MTSS1: variants seen among roughly 807,000 people sequenced by gnomAD.
MTSS1 encodes protein MTSS 1.
A neutral mutation model predicts 79.0 loss-of-function variants in MTSS1; 18 were observed. That is an observed-to-expected ratio of 0.23 (90% confidence interval 0.16 to 0.34). The LOEUF (loss-of-function observed/expected upper bound fraction) is 0.34, where lower values mean the gene tolerates loss of function less well. Among genes scored for constraint, MTSS1 ranks in the 10% least tolerant of loss-of-function variants. MTSS1 has a pLI of 1.00. For missense variants in MTSS1, 815 were observed against 986.2 expected (o/e 0.83, Z 2.33); for synonymous variants, 341 against 368.6 (o/e 0.93, Z 0.86).
chr8:124,654,860 C>G (rs1208515465), intron 3 of MTSS1, among the ~76,000 whole-genome samples: 1 of 152,156 alleles, frequency 6.6e-6, no homozygotes, highest in Non-Finnish European at 1.5e-5. Context: ...AGCAAAGAAC[C>G]ACCTGAGGTT....
chr8:124,634,808 C>G (rs1816694273), intron 3 of MTSS1, among the ~76,000 whole-genome samples: 1 of 152,170 alleles, frequency 6.6e-6, no homozygotes, highest in African/African-American at 2.4e-5. Flanking sequence ...GACGGAAATG[C>G]AGTGTCCTGG....
intron 3 of MTSS1, among the ~76,000 whole-genome samples, chr8:124,632,086 G>A (rs1816066617): frequency 6.6e-6 from 1 of 152,056 alleles, no homozygotes; most frequent in African/African-American, 2.4e-5. Context: ...AGACCAGCCT[G>A]GGCAACATAG....
chr8:124,677,621 G>A (rs903093774), intron 3 of MTSS1, among the ~76,000 whole-genome samples: 1 of 152,144 alleles, frequency 6.6e-6, no homozygotes, highest in Non-Finnish European at 1.5e-5. Flanking sequence ...AGAGGCTGTA[G>A]TCTGCCTACC....
At chr8:124,695,331 G>C (rs1393088426) in intron 3 of MTSS1, among the ~76,000 whole-genome samples, 1 of 130,944 alleles carries the variant, frequency 7.6e-6, no homozygotes, top group Non-Finnish European at 1.6e-5. Flanking sequence ...TCCATCAAGA[G>C]GGATAAAAAA....
chr8:124,589,847 C>G, intron 4 of MTSS1, 136 bp from the exon 5 acceptor site: 1 of 641,878 alleles, frequency 1.6e-6, no homozygotes, highest in Non-Finnish European at 2.7e-6. Context: ...GGCTCCAGAA[C>G]AGCCATGTTC....
At chr8:124,694,686 A>G (rs566103954) in intron 3 of MTSS1, among the ~76,000 whole-genome samples, 1 of 151,994 alleles carries the variant, frequency 6.6e-6, no homozygotes, top group East Asian at 1.9e-4. Flanking sequence ...TATTTTTTTA[A>G]GTAGCCCAGA....
intron 1 of MTSS1, among the ~76,000 whole-genome samples, chr8:124,717,665 C>T (rs985469059): frequency 7.9e-5 from 12 of 152,068 alleles, no homozygotes; most frequent in African/African-American, 2.4e-4. Flanking sequence ...CTGCATACTC[C>T]GGTCTGGGGG....
chr8:124,665,577 G>GGCCC (rs1822898877), intron 3 of MTSS1, among the ~76,000 whole-genome samples: 1 of 152,124 alleles, frequency 6.6e-6, no homozygotes, highest in Non-Finnish European at 1.5e-5. Context: ...AAAAAAATCT[G>GGCCC]GCCCCCAAGG....
intron 6 of MTSS1, among the ~76,000 whole-genome samples, chr8:124,576,182 A>G (rs1291441375): frequency 6.6e-6 from 1 of 152,256 alleles, no homozygotes; most frequent in Non-Finnish European, 1.5e-5. Flanking sequence ...CAAGGCTACA[A>G]TCTGCATTCT....
At chr8:124,654,712 G>C (rs1429923998) in intron 3 of MTSS1, among the ~76,000 whole-genome samples, 6 of 152,170 alleles carry the variant, frequency 3.9e-5, no homozygotes, top group African/African-American at 1.4e-4. Context: ...TTACCAACAA[G>C]GGAGGGTGTA....
At chr8:124,629,567 A>C (rs952828031) in intron 3 of MTSS1, among the ~76,000 whole-genome samples, 1 of 151,814 alleles carries the variant, frequency 6.6e-6, no homozygotes, top group African/African-American at 2.4e-5. Context: ...CTGGATACTT[A>C]GCTATAGCGG....
rs756630258 is a variant in MTSS1 at position 124,727,867 on chromosome 8, CA to C, written c.72+16del. ...AGCGCGGCGGCCGGCGCCGCAGCCG[CA>C]CCCCCGGCGTCCTACCTTCATGTCG... is the stretch of plus-strand genomic sequence containing the variant. On this transcript the variant is annotated intron_variant, in intron 1 of 13. Coordinates refer to ENST00000518547, the MANE Select transcript of MTSS1 (RefSeq NM_014751.6). The surrounding 1 kb of genome is among the most constrained non-coding windows in gnomAD (Gnocchi z 4.7). 1.5e-5 allele frequency: 23 copies of C among 1,575,600 alleles called. No homozygotes were observed. Among genetic ancestry groups the C allele is most frequent in the Non-Finnish European group, 1.9e-5 (22 of 1,165,612 alleles).
At chr8:124,674,543 C>T (rs1216140000) in intron 3 of MTSS1, among the ~76,000 whole-genome samples, 2 of 152,050 alleles carry the variant, frequency 1.3e-5, no homozygotes, top group Admixed American at 1.3e-4. Flanking sequence ...CAGGGTTTTG[C>T]CATGTTGGCT....
intron 3 of MTSS1, among the ~76,000 whole-genome samples, chr8:124,687,299 C>G (rs1020392891): frequency 6.6e-6 from 1 of 152,142 alleles, no homozygotes; most frequent in Non-Finnish European, 1.5e-5. Flanking sequence ...CCGGTAGGAC[C>G]ACCTGGACCA....
At chr8:124,575,584 G>GT (rs1554646293) in intron 6 of MTSS1, among the ~76,000 whole-genome samples, 37 of 151,780 alleles carry the variant, frequency 2.4e-4, no homozygotes, top group African/African-American at 5.8e-4. Flanking sequence ...TTTTGTTGTT[G>GT]TTGTTTGTTT....
At chr8:124,596,038 A>G (rs1420513088) in intron 3 of MTSS1, among the ~76,000 whole-genome samples, 1 of 152,178 alleles carries the variant, frequency 6.6e-6, no homozygotes, top group Non-Finnish European at 1.5e-5. Flanking sequence ...GCCATCAGCC[A>G]TCCTATGGCC....
chr8:124,652,212 T>C (rs971577618), intron 3 of MTSS1, among the ~76,000 whole-genome samples: 7 of 152,212 alleles, frequency 4.6e-5, no homozygotes, highest in Non-Finnish European at 1.0e-4. Flanking sequence ...CTTGCTCTGT[T>C]GCCCAGGCTG....
intron 3 of MTSS1, among the ~76,000 whole-genome samples, chr8:124,655,919 A>T (rs1563941812): frequency 6.6e-6 from 1 of 152,244 alleles, no homozygotes; most frequent in African/African-American, 2.4e-5. Context: ...AGGGGAACAG[A>T]AGCTGGAAAG....
intron 3 of MTSS1, among the ~76,000 whole-genome samples, chr8:124,593,024 C>A (rs910093502): frequency 5.9e-5 from 9 of 152,306 alleles, no homozygotes; most frequent in African/African-American, 2.2e-4. Flanking sequence ...TGACCAGAGT[C>A]TCTTAAAACT....
Sources: allele counts gnomAD v4.1 joint callset (sites outside exome capture counted in the v4.1 genomes callset), GRCh38; gene constraint gnomAD v4.1.1; non-coding constraint Gnocchi (gnomAD v3.1); transcripts MANE v1.5; gene names NCBI Gene and HGNC (gene_info 2026-07-23, HGNC 2026-07-21).